The following RARB variants were observed in gnomAD, a reference collection of about 807,000 sequenced individuals.
The protein encoded by RARB is retinoic acid receptor beta.
In RARB, 17 loss-of-function variants were observed where a neutral mutation model predicts 51.9. The observed-to-expected ratio is 0.33, with a 90% confidence interval of 0.22 to 0.49. The LOEUF (loss-of-function observed/expected upper bound fraction) is 0.49, where lower values mean the gene tolerates loss of function less well. Ranked by LOEUF, RARB falls within the 20% of genes least tolerant of loss-of-function variation. The pLI, the probability that RARB is intolerant of heterozygous loss-of-function variation, is 0.99. For synonymous variants in RARB, 215 were observed against 195.4 expected (o/e 1.10, Z -0.84); for missense variants, 369 against 550.8 (o/e 0.67, Z 3.30).
At chr3:25,325,863 A>G (rs1254930116) in intron 5 of RARB, among the ~76,000 whole-genome samples, 1 of 152,136 alleles carries the variant, frequency 6.6e-6, no homozygotes, top group Non-Finnish European at 1.5e-5. Flanking sequence ...AAAATTACCA[A>G]AGTGAAACAA....
intron 5 of RARB, among the ~76,000 whole-genome samples, chr3:25,188,597 G>A (rs181153244): frequency 3.3e-5 from 5 of 152,142 alleles, no homozygotes; most frequent in South Asian, 2.1e-4. Flanking sequence ...CTTTGAAAGC[G>A]GTATCATCTG....
At chr3:25,187,186 C>T (rs765309876) in intron 5 of RARB, among the ~76,000 whole-genome samples, 69 of 152,198 alleles carry the variant, frequency 4.5e-4, no homozygotes, top group Admixed American at 1.6e-3. Context: ...ACAATGGCCT[C>T]TTACCTCTGC....
chr3:25,195,654 A>G (rs536036617), intron 5 of RARB, among the ~76,000 whole-genome samples: 1 of 152,136 alleles, frequency 6.6e-6, no homozygotes, highest in Admixed American at 6.6e-5. Flanking sequence ...AATTAACTTG[A>G]TAGTGAATTT....
chr3:25,235,951 T>C (rs1308137016), intron 5 of RARB, among the ~76,000 whole-genome samples: 1 of 152,188 alleles, frequency 6.6e-6, no homozygotes, highest in Non-Finnish European at 1.5e-5. Flanking sequence ...ACTCTAGGAT[T>C]GTAAAAATCA....
At chr3:24,869,670 A>C (rs767552631) in intron 2 of RARB, among the ~76,000 whole-genome samples, 1 of 152,150 alleles carries the variant, frequency 6.6e-6, no homozygotes, top group Admixed American at 6.6e-5. Flanking sequence ...TCATACAGAC[A>C]TAGCGTAGCA....
At chr3:25,057,199 C>T (rs1698458512) in intron 2 of RARB, among the ~76,000 whole-genome samples, 1 of 152,010 alleles carries the variant, frequency 6.6e-6, no homozygotes, top group South Asian at 2.1e-4. Flanking sequence ...GCATTGAACC[C>T]ACAAACCAGC....
intron 2 of RARB, among the ~76,000 whole-genome samples, chr3:24,885,514 ATG>A (rs1249161002): frequency 6.6e-6 from 1 of 152,168 alleles, no homozygotes; most frequent in African/African-American, 2.4e-5. Context: ...TTGTTTTAAG[ATG>A]TGTTCATAGA....
chr3:25,339,196 C>T (rs1705149875), intron 5 of RARB, among the ~76,000 whole-genome samples: 1 of 152,176 alleles, frequency 6.6e-6, no homozygotes, highest in South Asian at 2.1e-4. Context: ...CGAAACAAAC[C>T]TCACTTGCTA....
intron 2 of RARB, among the ~76,000 whole-genome samples, chr3:25,014,577 A>G (rs1010671747): frequency 1.3e-5 from 2 of 152,078 alleles, no homozygotes; most frequent in Admixed American, 1.3e-4. Flanking sequence ...AGTGTAGCCA[A>G]TGTCACATAG....
chr3:25,341,239 G>A (rs1705217776), intron 5 of RARB, among the ~76,000 whole-genome samples: 1 of 152,146 alleles, frequency 6.6e-6, no homozygotes, highest in Non-Finnish European at 1.5e-5. Flanking sequence ...CTTGTCTCTG[G>A]AGTGCTCAAA....
At chr3:25,518,487 C>A (rs1559447303) in intron 3 of RARB, among the ~76,000 whole-genome samples, 2 of 145,312 alleles carry the variant, frequency 1.4e-5, no homozygotes, top group Admixed American at 6.6e-5. Context: ...TCAGGACATC[C>A]CTCCAGGTAG....
chr3:25,208,382 T>C (rs1408687542), intron 5 of RARB, among the ~76,000 whole-genome samples: 2 of 152,232 alleles, frequency 1.3e-5, no homozygotes, highest in East Asian at 3.8e-4. Context: ...AGTAAAATGC[T>C]GATTTCTCAA....
intron 2 of RARB, among the ~76,000 whole-genome samples, chr3:25,001,906 T>A (rs1293311518): frequency 6.6e-6 from 1 of 152,066 alleles, no homozygotes; most frequent in Non-Finnish European, 1.5e-5. Context: ...GCCTCCCAAG[T>A]AGCTAGGACC....
At chr3:24,881,970 A>G (rs1343884092) in intron 2 of RARB, among the ~76,000 whole-genome samples, 2 of 152,334 alleles carry the variant, frequency 1.3e-5, no homozygotes, top group East Asian at 3.9e-4. Flanking sequence ...AAAAAAAGAT[A>G]CGTAATTATG....
chr3:25,291,769 GC>G (rs1414307449), intron 5 of RARB, among the ~76,000 whole-genome samples: 1 of 152,012 alleles, frequency 6.6e-6, no homozygotes, highest in Non-Finnish European at 1.5e-5. Flanking sequence ...ACATCTAGTA[GC>G]AGCTTGTATG....
chr3:25,008,541 C>T (rs1697323956), intron 2 of RARB, among the ~76,000 whole-genome samples: 1 of 152,086 alleles, frequency 6.6e-6, no homozygotes, highest in Non-Finnish European at 1.5e-5. Context: ...AATGCCTTGA[C>T]AGGGAAATTG....
intron 3 of RARB, among the ~76,000 whole-genome samples, chr3:25,545,594 T>A (rs968597675): frequency 5.9e-5 from 9 of 152,130 alleles, no homozygotes; most frequent in African/African-American, 1.9e-4. Flanking sequence ...TTGCTCTGAG[T>A]AGCGGGTAAA....
chr3:25,463,388 G>A (rs1443302431), intron 2 of RARB, among the ~76,000 whole-genome samples: 1 of 152,074 alleles, frequency 6.6e-6, no homozygotes, highest in Non-Finnish European at 1.5e-5. Context: ...AATTTGGCCA[G>A]GTGCAGTGGC....
intron 2 of RARB, among the ~76,000 whole-genome samples, chr3:25,463,618 G>A (rs761301634): frequency 3.3e-5 from 5 of 151,246 alleles, no homozygotes; most frequent in Admixed American, 6.6e-5. Flanking sequence ...AGCCGAGATC[G>A]CGCCACTGGA....
Sources: gnomAD v4.1 joint callset for allele counts (sites outside exome capture counted in the v4.1 genomes callset) on GRCh38, gnomAD v4.1.1 for gene constraint, MANE v1.5 for transcripts, NCBI Gene and HGNC (gene_info 2026-07-23, HGNC 2026-07-21) for gene names.